The following POLR2F variants were observed in gnomAD, a reference collection of about 807,000 sequenced individuals.
The protein encoded by POLR2F is DNA-directed RNA polymerases I, II, and III subunit RPABC2.
In POLR2F, 12 loss-of-function variants were observed where a neutral mutation model predicts 22.7. The observed-to-expected ratio is 0.53, with a 90% confidence interval of 0.34 to 0.86. POLR2F has a LOEUF of 0.86. POLR2F is among the 40% of genes least tolerant of loss of function. POLR2F has a pLI of 0.02. For missense variants in POLR2F, 126 were observed against 171.5 expected (o/e 0.73, Z 1.48); for synonymous variants, 57 against 66.0 (o/e 0.86, Z 0.66).
At chr22:38,039,825 G>A (rs889421545) in intron 5 of POLR2F, among the ~76,000 whole-genome samples, 3 of 152,196 alleles carry the variant, frequency 2.0e-5, no homozygotes, top group African/African-American at 7.2e-5. Context: ...CGGCCCTCAA[G>A]GAAGACAGGC....
intron 1 of POLR2F, among the ~76,000 whole-genome samples, chr22:38,001,824 T>A (rs1369993176): frequency 3.3e-5 from 5 of 151,264 alleles, no homozygotes; most frequent in Admixed American, 3.3e-4. Context: ...TGAGCCACCT[T>A]GCCTGGCCAA....
intron 1 of POLR2F, among the ~76,000 whole-genome samples, chr22:38,019,793 T>C (rs1181407566): frequency 6.6e-6 from 1 of 152,158 alleles, no homozygotes; most frequent in Non-Finnish European, 1.5e-5. Flanking sequence ...GGCAGGTGGA[T>C]CACCTGAGGT....
rs909775030 is a variant in POLR2F, at chr22:37,968,234, G to A, written c.*519G>A. The A allele has an allele frequency of 9.1e-6, 9 of 985,372 alleles. No homozygotes were observed. Among genetic ancestry groups the A allele is most frequent in the East Asian group, 1.1e-4 (1 of 8,792 alleles). The allele number at this position is 985,372 out of a possible 1,614,324, so 61.0% of individuals were successfully genotyped here. On this transcript the variant is annotated 3_prime_UTR_variant, in exon 5 of 5. Transcript: ENST00000442738. Reference sequence around the variant, plus strand: ...CAGGAGCAGTGCCCCAGCAGGAAGCGTGGGGGTGTGCTGATCTCCCACCCT... The same window carrying A: ...CAGGAGCAGTGCCCCAGCAGGAAGCATGGGGGTGTGCTGATCTCCCACCCT...
chr22:37,959,768 A>G (rs1931552841), intron 3 of POLR2F, among the ~76,000 whole-genome samples: 1 of 151,308 alleles, frequency 6.6e-6, no homozygotes, highest in Admixed American at 6.6e-5. Flanking sequence ...AGTGCAGCAA[A>G]AAAGGTGAAT....
chr22:38,041,191 C>A, downstream of POLR2F: 5 of 1,593,266 alleles, frequency 3.1e-6, no homozygotes, highest in Non-Finnish European at 4.3e-6. Flanking sequence ...CTGGTCAAGG[C>A]GGCCGCCAGG....
rs759924431 is a variant in POLR2F, at chr22:38,016,585, C to T, written c.121-9284C>T. Among the ~76,000 whole-genome samples the T allele has an allele frequency of 2.6e-5, 4 of 152,184 alleles. No homozygotes were observed. Among genetic ancestry groups the T allele is most frequent in the East Asian group, 1.9e-4 (1 of 5,192 alleles). ...GTGGGGGCTTAGAAGCAGCTGCGCG[C>T]GACGTTGACATTGTTCCCACCATTC... On this transcript the variant is annotated intron_variant, in intron 1 of 2. Coordinates refer to the POLR2F transcript ENST00000333418. This position sits in a 1 kb window ranked among gnomAD's most constrained non-coding sequence, Gnocchi z 4.4.
At chr22:38,027,753 C>T (rs1336401658), downstream of POLR2F, among the ~76,000 whole-genome samples, 2 of 152,222 alleles carry the variant, frequency 1.3e-5, no homozygotes, top group Non-Finnish European at 2.9e-5. Context: ...CCTCCCCATC[C>T]TCATGAACTC....
chr22:38,036,536 T>C (rs1304177081), intron 5 of POLR2F, among the ~76,000 whole-genome samples: 3 of 148,062 alleles, frequency 2.0e-5, no homozygotes, highest in Non-Finnish European at 4.5e-5. Flanking sequence ...ACATACTAGA[T>C]GCTCAGTAAA....
downstream of POLR2F, chr22:37,969,340 G>C: frequency 1.0e-6 from 1 of 984,994 alleles, no homozygotes; most frequent in African/African-American, 1.7e-5. Flanking sequence ...TTAGGGTTTG[G>C]GCATAGTCTC....
chr22:38,039,849 G>A (rs1368979559), intron 5 of POLR2F, among the ~76,000 whole-genome samples: 1 of 152,188 alleles, frequency 6.6e-6, no homozygotes, highest in Non-Finnish European at 1.5e-5. Flanking sequence ...TCAGTGAAGA[G>A]CCCCTGTGCT....
At chr22:37,962,202 G>A (rs893687072) in intron 3 of POLR2F, among the ~76,000 whole-genome samples, 2 of 152,058 alleles carry the variant, frequency 1.3e-5, no homozygotes, top group Non-Finnish European at 2.9e-5. Flanking sequence ...CTGCACACCA[G>A]CCTGAGTGAC....
chr22:37,973,753 G>A, downstream of POLR2F: 6 of 1,599,192 alleles, frequency 3.8e-6, no homozygotes, highest in Non-Finnish European at 4.3e-6. Context: ...GGCTGAGGGA[G>A]GTGTAGGCGA....
chr22:37,978,452 T>C lies in POLR2F; in HGVS notation c.293+11282T>C, dbSNP rs1002609890. Among the ~76,000 whole-genome samples the C allele has an allele frequency of 1.3e-5, 2 of 152,228 alleles. No homozygotes were observed. Among genetic ancestry groups the C allele is most frequent in the African/African-American group, 4.8e-5 (2 of 41,462 alleles). ...AGGAGTAGAGGTTTCAAGGGGCAGATGCCAGTTCAAGGAAAGGAAAAACTT... is the reference window on the plus strand; with the variant it reads ...AGGAGTAGAGGTTTCAAGGGGCAGACGCCAGTTCAAGGAAAGGAAAAACTT... On this transcript the variant is annotated intron_variant, in intron 4 of 4. Transcript: ENST00000405557. This position sits in a 1 kb window ranked among gnomAD's most constrained non-coding sequence, Gnocchi z 5.0.
At position 37,974,347 on chromosome 22, in the gene POLR2F, G is replaced by GTTT. The variant is rs916489152; in HGVS notation, c.293+7184_293+7186dup. 43 of 584,218 alleles carry GTTT rather than the reference G, an allele frequency of 7.4e-5. 1 individual carries two copies. In the African/African-American group the frequency reaches 7.5e-4, roughly 10 times the overall value. The allele number at this position is 584,218 out of a possible 1,614,324, so 36.2% of individuals were successfully genotyped here. On this transcript the variant is annotated intron_variant, in intron 4 of 4. Coordinates refer to the POLR2F transcript ENST00000405557. The surrounding 1 kb of genome is among the most constrained non-coding windows in gnomAD (Gnocchi z 5.4). ...TTCACATTTTGGCAGCATGAGTCGG[G>GTTT]TTTTTTTTTGTTTTTTTTTTTTGAG...
rs151012403 is a variant in POLR2F, at chr22:37,967,650, C to T, written c.319C>T (p.Arg107Cys). Residue 107 changes from arginine (R) to cysteine (C), a missense_variant, in exon 5 of 5, where the codon CGC becomes TGC. By Grantham distance (180) the Arg-to-Cys change is radical. Coordinates refer to ENST00000442738, the MANE Select transcript of POLR2F (RefSeq NM_021974.5). Reference protein sequence around the residue: ...LKARKIPIIIRRYLPDGSYED... With the variant: ...LKARKIPIIICRYLPDGSYED... ...GGCCCGAAAGATCCCCATCATCATT[C>T]GCCGTTACCTGCCAGATGGGAGCTA... is the stretch of plus-strand genomic sequence containing the variant. The T allele has an allele frequency of 8.7e-6, 14 of 1,613,928 alleles. No individual in the cohort carries two copies. Among genetic ancestry groups the T allele is most frequent in the East Asian group, 6.7e-5 (3 of 44,862 alleles).
intron 1 of POLR2F, among the ~76,000 whole-genome samples, chr22:38,002,252 A>C (rs1569177647): frequency 6.6e-6 from 1 of 152,136 alleles, no homozygotes; most frequent in East Asian, 1.9e-4. Flanking sequence ...TAAAGAAGAA[A>C]ACTCCAGCTC....
intron 1 of POLR2F, among the ~76,000 whole-genome samples, chr22:38,024,276 A>T (rs2145823758): frequency 6.6e-6 from 1 of 152,266 alleles, no homozygotes; most frequent in East Asian, 1.9e-4. Flanking sequence ...GTGTGTCAGA[A>T]TTTTCTTTTT....
At chr22:38,039,081 G>C (rs974694829) in intron 5 of POLR2F, among the ~76,000 whole-genome samples, 1 of 152,170 alleles carries the variant, frequency 6.6e-6, no homozygotes, top group South Asian at 2.1e-4. Context: ...CATTTCCCGC[G>C]GCCCTTGCCT....
At chr22:37,963,508 A>G (rs2145742959) in intron 3 of POLR2F, among the ~76,000 whole-genome samples, 1 of 152,142 alleles carries the variant, frequency 6.6e-6, no homozygotes, top group Non-Finnish European at 1.5e-5. Context: ...CCTGGCTTCC[A>G]GTGATCCCCC....
Sources: gnomAD v4.1 joint callset for allele counts (sites outside exome capture counted in the v4.1 genomes callset) on GRCh38, gnomAD v4.1.1 for gene constraint, Gnocchi (gnomAD v3.1) non-coding constraint, MANE v1.5 for transcripts, NCBI Gene and HGNC (gene_info 2026-07-23, HGNC 2026-07-21) for gene names.